Variants in EIF2AK2 observed in about 807,000 individuals in gnomAD.
EIF2AK2 encodes the protein interferon-induced, double-stranded RNA-activated protein kinase.
In EIF2AK2, 40 loss-of-function variants were observed where a neutral mutation model predicts 70.5. The ratio of observed to expected loss-of-function variants is 0.57; its 90% CI spans 0.44 to 0.74. The LOEUF (loss-of-function observed/expected upper bound fraction) is 0.74. EIF2AK2 is among the 30% of genes least tolerant of loss of function. The pLI is 0.00. For synonymous variants in EIF2AK2, 198 were observed against 220.9 expected (o/e 0.90, Z 0.92); for missense variants, 555 against 644.3 (o/e 0.86, Z 1.50).
chr2:37,147,467 C>T (rs1675589368), intron 3 of EIF2AK2, among the ~76,000 whole-genome samples: 1 of 116,480 alleles, frequency 8.6e-6, no homozygotes, highest in South Asian at 3.6e-4. Flanking sequence ...CCCCCCTCCC[C>T]CCACCCCACA....
intron 11 of EIF2AK2, among the ~76,000 whole-genome samples, chr2:37,124,281 G>T (rs543042154): frequency 6.6e-6 from 1 of 151,178 alleles, no homozygotes; most frequent in Non-Finnish European, 1.5e-5. Flanking sequence ...CATTTTTTTT[G>T]AGAAGAGTCT....
At chr2:37,122,434 C>T (rs1287533487) in intron 12 of EIF2AK2, 72 bp downstream of exon 12, 1 of 1,470,606 alleles carries the variant, frequency 6.8e-7, no homozygotes. Flanking sequence ...TAGCCTTATC[C>T]AGTGGCCCAT....
rs367990775 is a variant in EIF2AK2, at chr2:37,146,894, C to A, written c.199G>T (p.Ala67Ser). Residue 67 changes from alanine (A) to serine (S), a missense_variant, in exon 4 of 17, where the codon GCA (alanine) becomes TCA (serine). Physicochemically the swap from Ala to Ser is moderately conservative, Grantham distance 99. Transcript: ENST00000233057. Reference sequence around the variant, plus strand: ...AGTATCTCAACAGCTAATTTGGCTGCGGCATTTTTTGCTTCCTTCTTTGAT... The same window carrying A: ...AGTATCTCAACAGCTAATTTGGCTGAGGCATTTTTTGCTTCCTTCTTTGAT... ...GRSKKEAKNA[A>S]AKLAVEILNK... 3.7e-6 allele frequency: 6 copies of A among 1,613,798 alleles called. No individual in the cohort carries two copies. In the Admixed American group the frequency reaches 5.0e-5, roughly 13 times the overall value.
chr2:37,149,012 T>C lies in EIF2AK2; in HGVS notation c.-172A>G, dbSNP rs553657578. The stretch of plus-strand genomic sequence containing the variant: ...ACAAATCCAGGAAGGCAAACTGAAT[T>C]TGCTCCAGAAACTGGTAAAAGAGAA... On this transcript the variant is annotated 5_prime_UTR_variant, in exon 2 of 17. Coordinates refer to ENST00000233057, the MANE Select transcript of EIF2AK2 (RefSeq NM_001135651.3). The C allele has an allele frequency of 8.5e-6, 8 of 944,422 alleles. No individual in the cohort carries two copies. The East Asian group carries it at 1.9e-4, about 22-fold the overall frequency. 58.5% of individuals were successfully genotyped at this position (944,422 alleles called of 1,614,324 possible).
intron 15 of EIF2AK2, 145 bp from the exon 16 acceptor site, chr2:37,107,672 C>A: frequency 1.3e-6 from 1 of 784,474 alleles, no homozygotes; most frequent in East Asian, 2.5e-5. Flanking sequence ...GCAGGATTCC[C>A]TCTCTCCTAC....
At chr2:37,110,669 G>A (rs1572997823) in intron 14 of EIF2AK2, among the ~76,000 whole-genome samples, 1 of 152,160 alleles carries the variant, frequency 6.6e-6, no homozygotes, top group African/African-American at 2.4e-5. Context: ...TGACAAAATA[G>A]TAGAGATATT....
rs904216568 is a variant in EIF2AK2, at chr2:37,100,560, A to G, written c.*6713T>C. ...AAGCCAATAATGTCACCATATAACTATCAACTGTGATTCCCTTCATCTATG... is the reference window on the plus strand; with the variant it reads ...AAGCCAATAATGTCACCATATAACTGTCAACTGTGATTCCCTTCATCTATG... On this transcript the variant is annotated 3_prime_UTR_variant, in exon 17 of 17. Transcript: ENST00000233057. 19 of 152,266 alleles carry G rather than the reference A, an allele frequency of 1.2e-4. No homozygotes were observed. Among genetic ancestry groups the G allele is most frequent in the African/African-American group, 4.1e-4 (17 of 41,468 alleles). 9.4% of individuals were successfully genotyped at this position (152,266 alleles called of 1,614,324 possible).
chr2:37,154,748 G>C (rs1377142240), intron 1 of EIF2AK2, among the ~76,000 whole-genome samples: 1 of 152,032 alleles, frequency 6.6e-6, no homozygotes, highest in Non-Finnish European at 1.5e-5. Context: ...TTTTAGTAGA[G>C]ACGGGGTTTC....
In EIF2AK2 at chr2:37,121,091, G is replaced by A. The variant is rs372803575; in HGVS notation, c.1068-952C>T. ...ATCCTGGCTAACACGGTGAAATCCC[G>A]TCTCTACTAAAAATACAAAAAATTA... On this transcript the variant is annotated intron_variant, in intron 12 of 16. Transcript: ENST00000233057. Among the ~76,000 whole-genome samples the A allele has an allele frequency of 1.8e-4, 26 of 147,990 alleles. 2 individuals carry two copies. In the Middle Eastern group the frequency reaches 0.018, roughly 100 times the overall value.
intron 10 of EIF2AK2, among the ~76,000 whole-genome samples, chr2:37,134,446 T>C (rs1675054747): frequency 6.6e-6 from 1 of 152,216 alleles, no homozygotes; most frequent in South Asian, 2.1e-4. Flanking sequence ...CTACCAAGTA[T>C]CACCTGAAAC....
chr2:37,109,330 C>A (rs1180298178), intron 14 of EIF2AK2, 35 bp from the exon 15 acceptor site: 1 of 1,578,410 alleles, frequency 6.3e-7, no homozygotes, highest in South Asian at 1.1e-5. Context: ...CTTTGTTATG[C>A]TCCTTACATA....
chr2:37,140,887 C>G (rs1398834306), intron 5 of EIF2AK2, among the ~76,000 whole-genome samples: 1 of 152,016 alleles, frequency 6.6e-6, no homozygotes, highest in East Asian at 1.9e-4. Context: ...TCTTCTTTCT[C>G]TTTAACTGGT....
intron 1 of EIF2AK2, among the ~76,000 whole-genome samples, chr2:37,154,296 G>C (rs546231027): frequency 1.3e-5 from 2 of 150,858 alleles, no homozygotes; most frequent in Non-Finnish European, 2.9e-5. Flanking sequence ...TTGCACTCCA[G>C]CCTGGGCAAC....
chr2:37,142,083 C>T (rs1205630216), intron 4 of EIF2AK2, among the ~76,000 whole-genome samples: 2 of 152,066 alleles, frequency 1.3e-5, no homozygotes, highest in Non-Finnish European at 2.9e-5. Context: ...CTATTATTAT[C>T]TCTACCTTTT....
intron 10 of EIF2AK2, 72 bp downstream of exon 10, chr2:37,135,412 T>G (rs2307479): frequency 0.037 from 46,959 of 1,280,648 alleles, 1,243 homozygotes; most frequent in African/African-American, 0.13. Context: ...CATGGCCATT[T>G]CACAGACAAC....
intron 1 of EIF2AK2, among the ~76,000 whole-genome samples, chr2:37,152,748 T>C (rs1279207386): frequency 2.0e-5 from 3 of 152,252 alleles, no homozygotes; most frequent in South Asian, 2.1e-4. Context: ...ATATTCCTTA[T>C]GAACCGCTCT....
At position 37,138,199 on chromosome 2, in the gene EIF2AK2, A is replaced by G. The variant is rs1352441796; in HGVS notation, c.687+71T>C. The G allele has an allele frequency of 1.0e-5, 12 of 1,171,538 alleles. No individual in the cohort carries two copies. In the Admixed American group the frequency reaches 2.4e-4, roughly 24 times the overall value. 72.6% of individuals were successfully genotyped at this position (1,171,538 alleles called of 1,614,324 possible). Reference sequence around the variant, plus strand: ...TATAAAAATTATGGTGGAATACTGGAAGTTATTTTTAAATGAGGAAACGCA... The same window carrying G: ...TATAAAAATTATGGTGGAATACTGGGAGTTATTTTTAAATGAGGAAACGCA... On this transcript the variant is annotated intron_variant, in intron 8 of 16. Coordinates refer to ENST00000233057, the MANE Select transcript of EIF2AK2 (RefSeq NM_001135651.3).
intron 5 of EIF2AK2, among the ~76,000 whole-genome samples, chr2:37,140,907 T>A (rs570562632): frequency 6.6e-6 from 1 of 152,346 alleles, no homozygotes; most frequent in Non-Finnish European, 1.5e-5. Context: ...TTGGTTGTAG[T>A]TGAAAAACAA....
In EIF2AK2 at chr2:37,146,880, A is replaced by G; in HGVS notation, c.213T>C (p.Ala71=). 6.2e-7 allele frequency: 1 copy of G among 1,613,962 alleles called. No individual in the cohort carries two copies. The highest frequency in any genetic ancestry group is 8.5e-7 in the Non-Finnish European group (1 of 1,179,996). Reference sequence around the variant, plus strand: ...TCTTTTCCTTATTAAGTATCTCAACAGCTAATTTGGCTGCGGCATTTTTTG... The same window carrying G: ...TCTTTTCCTTATTAAGTATCTCAACGGCTAATTTGGCTGCGGCATTTTTTG... ...KEAKNAAAKL[A]VEILNKEKKA... The change falls in exon 4 of 17, where the codon GCT becomes GCC. Residue 71 remains alanine (A), a synonymous_variant. Transcript: ENST00000233057.
Sources: allele counts gnomAD v4.1 joint callset (sites outside exome capture counted in the v4.1 genomes callset), GRCh38; gene constraint gnomAD v4.1.1; transcripts MANE v1.5; gene names NCBI Gene and HGNC (gene_info 2026-07-23, HGNC 2026-07-21).